The following PRKCB variants were observed in gnomAD, a reference collection of about 807,000 sequenced individuals.
The protein encoded by PRKCB is protein kinase C beta type.
In PRKCB, 13 loss-of-function variants were observed where a neutral mutation model predicts 81.5. The ratio of observed to expected loss-of-function variants is 0.16; its 90% CI spans 0.10 to 0.25. PRKCB has a LOEUF of 0.25. Among genes scored for constraint, PRKCB ranks in the 10% least tolerant of loss-of-function variants. The pLI is 1.00. For synonymous variants in PRKCB, 335 were observed against 321.4 expected (o/e 1.04, Z -0.45); for missense variants, 509 against 875.7 (o/e 0.58, Z 5.29).
At chr16:24,104,480 G>A (rs1267631104) in intron 7 of PRKCB, among the ~76,000 whole-genome samples, 1 of 152,150 alleles carries the variant, frequency 6.6e-6, no homozygotes, top group African/African-American at 2.4e-5. Flanking sequence ...AACAACAATT[G>A]TAAATGAACA....
chr16:24,169,840 G>A (rs1196835511), intron 10 of PRKCB, among the ~76,000 whole-genome samples: 5 of 152,142 alleles, frequency 3.3e-5, no homozygotes, highest in Admixed American at 1.3e-4. Context: ...GCAGTGGTGT[G>A]ATCTTGGCTC....
At chr16:24,000,485 T>G (rs532312092) in intron 3 of PRKCB, among the ~76,000 whole-genome samples, 1 of 152,248 alleles carries the variant, frequency 6.6e-6, no homozygotes, top group African/African-American at 2.4e-5. Flanking sequence ...AACTTGGGCA[T>G]GTCGTTCGAC....
intron 5 of PRKCB, among the ~76,000 whole-genome samples, chr16:24,085,493 T>C (rs1049432141): frequency 3.3e-5 from 5 of 152,356 alleles, no homozygotes; most frequent in African/African-American, 1.2e-4. Flanking sequence ...TTGACACTGT[T>C]ATCCTCTATC....
intron 7 of PRKCB, chr16:24,099,269 T>C (rs964449345): frequency 1.3e-5 from 2 of 152,256 alleles, no homozygotes; most frequent in Non-Finnish European, 2.9e-5. Flanking sequence ...TGCACTTTTG[T>C]GAGCTCCTGG....
chr16:24,066,456 A>G (rs926110076), intron 5 of PRKCB, among the ~76,000 whole-genome samples: 1 of 152,170 alleles, frequency 6.6e-6, no homozygotes, highest in Non-Finnish European at 1.5e-5. Context: ...TTATTTTAGA[A>G]TAGTTTTAGA....
At chr16:24,057,507 T>C (rs916857630) in intron 5 of PRKCB, among the ~76,000 whole-genome samples, 2 of 152,154 alleles carry the variant, frequency 1.3e-5, no homozygotes, top group Admixed American at 1.3e-4. Flanking sequence ...GTATGGGAGG[T>C]CATTTGCTAG....
At chr16:24,187,191 C>G (rs1718788289) in intron 15 of PRKCB, among the ~76,000 whole-genome samples, 1 of 152,236 alleles carries the variant, frequency 6.6e-6, no homozygotes, top group Admixed American at 6.5e-5. Flanking sequence ...AAAATCAGAT[C>G]TTGCCACATT....
chr16:23,836,877 C>G (rs1481248792), intron 1 of PRKCB, among the ~76,000 whole-genome samples: 2 of 151,790 alleles, frequency 1.3e-5, no homozygotes, highest in Admixed American at 1.3e-4. Context: ...TCCCATTGCC[C>G]CTCCCCGAGG....
chr16:23,964,002 A>G (rs1235552804), intron 2 of PRKCB, among the ~76,000 whole-genome samples: 1 of 152,194 alleles, frequency 6.6e-6, no homozygotes, highest in African/African-American at 2.4e-5. Context: ...AGGGCTAGAC[A>G]TTTAGTATAC....
chr16:23,968,065 C>CA (rs1424925034), intron 2 of PRKCB, among the ~76,000 whole-genome samples: 2 of 152,176 alleles, frequency 1.3e-5, no homozygotes, highest in African/African-American at 4.8e-5. Flanking sequence ...GTGCTTTACC[C>CA]ACTTGCCTGA....
At chr16:24,062,182 G>T (rs910913721) in intron 5 of PRKCB, among the ~76,000 whole-genome samples, 3 of 152,208 alleles carry the variant, frequency 2.0e-5, no homozygotes, top group East Asian at 1.9e-4. Context: ...TCTCAATTTT[G>T]TGGGTCTTCT....
chr16:24,113,143 C>A (rs762014773), intron 8 of PRKCB, 74 bp downstream of exon 8: 1 of 1,034,250 alleles, frequency 9.7e-7, no homozygotes, highest in Non-Finnish European at 1.4e-6. Context: ...GCTCCCTCCT[C>A]TTTCTTTCTC....
chr16:23,948,115 A>G (rs552814917), intron 2 of PRKCB, among the ~76,000 whole-genome samples: 4 of 152,268 alleles, frequency 2.6e-5, no homozygotes, highest in African/African-American at 7.2e-5. Flanking sequence ...AAGTATGTCC[A>G]GACTGCAGAG....
intron 5 of PRKCB, among the ~76,000 whole-genome samples, chr16:24,076,905 T>C (rs1966185126): frequency 6.6e-6 from 1 of 152,188 alleles, no homozygotes; most frequent in African/African-American, 2.4e-5. Flanking sequence ...GATTTGTATT[T>C]GCATCTCAGT....
At chr16:24,102,417 T>G (rs1481179608) in intron 7 of PRKCB, among the ~76,000 whole-genome samples, 1 of 152,228 alleles carries the variant, frequency 6.6e-6, no homozygotes, top group African/African-American at 2.4e-5. Flanking sequence ...GCCCCTGGGA[T>G]TCTTTGAACA....
chr16:24,194,343 CAAAA>C (rs996250742), intron 16 of PRKCB, among the ~76,000 whole-genome samples: 4 of 150,430 alleles, frequency 2.7e-5, no homozygotes, highest in Non-Finnish European at 4.4e-5. Context: ...AACAAACAAA[CAAAA>C]AAACAAAAAA....
intron 5 of PRKCB, among the ~76,000 whole-genome samples, chr16:24,052,093 A>G (rs886462566): frequency 6.6e-6 from 1 of 152,024 alleles, no homozygotes; most frequent in Non-Finnish European, 1.5e-5. Context: ...AAAAAAAGAC[A>G]TAAAATTAAT....
intron 9 of PRKCB, among the ~76,000 whole-genome samples, chr16:24,124,950 A>G (rs1298136163): frequency 6.6e-6 from 1 of 152,056 alleles, no homozygotes; most frequent in African/African-American, 2.4e-5. Flanking sequence ...TCATCTCTCT[A>G]ATACCACCCA....
rs1270790873 is a variant in PRKCB, at chr16:24,191,153, G to C, written c.1786G>C (p.Glu596Gln). Residue 596 changes from glutamate to glutamine, a missense_variant, in exon 16 of 17, where the codon GAG becomes CAG. Coordinates refer to ENST00000643927, the MANE Select transcript of PRKCB (RefSeq NM_002738.7). ...CGPEGERDIK[E>Q]HAFFRYIDWE... ...ACCTGAAGGCGAACGTGATATCAAA[G>C]AGCATGCATTTTTCCGGTATATTGA... 1.2e-6 allele frequency: 2 copies of C among 1,614,122 alleles called. No individual in the cohort carries two copies. The highest frequency in any genetic ancestry group is 1.7e-6 in the Non-Finnish European group (2 of 1,180,006).
Sources: gnomAD v4.1 joint callset for allele counts (sites outside exome capture counted in the v4.1 genomes callset) on GRCh38, gnomAD v4.1.1 for gene constraint, MANE v1.5 for transcripts, NCBI Gene and HGNC (gene_info 2026-07-23, HGNC 2026-07-21) for gene names.